The following TIMM44 variants were observed in gnomAD, a reference collection of about 807,000 sequenced individuals.
TIMM44 encodes translocase of inner mitochondrial membrane 44.
TIMM44 carries 37 observed loss-of-function variants against 63.8 expected under a neutral mutation model. That is an observed-to-expected ratio of 0.58 (90% CI 0.45 to 0.76). TIMM44 has a LOEUF of 0.76. Among genes scored for constraint, TIMM44 ranks in the 30% least tolerant of loss-of-function variants. TIMM44 has a pLI of 0.00. For synonymous variants in TIMM44, 239 were observed against 245.1 expected (o/e 0.98, Z 0.23); for missense variants, 573 against 603.8 (o/e 0.95, Z 0.54).
intron 3 of TIMM44, among the ~76,000 whole-genome samples, chr19:7,936,448 T>C (rs940304511): frequency 3.3e-5 from 5 of 152,076 alleles, no homozygotes; most frequent in African/African-American, 1.2e-4. Context: ...CAAGACTCCA[T>C]CTCAAAGGAG....
At position 7,933,618 on chromosome 19, in the gene TIMM44, C is replaced by G. The variant is rs537698036; in HGVS notation, c.684-48G>C. 6.6e-7 allele frequency: 1 copy of G among 1,521,496 alleles called. No individual in the cohort carries two copies. The highest frequency in any genetic ancestry group is 1.4e-5 in the African/African-American group (1 of 73,116). 94.2% of individuals were successfully genotyped at this position (1,521,496 alleles called of 1,614,324 possible). ...GGGTGAGCGGCGGCGCCAGGGCCAC[C>G]CTGTGCCCTCCTGCGGCTGCAGGCA... is the stretch of plus-strand genomic sequence containing the variant. On this transcript the variant is annotated intron_variant, in intron 6 of 12. Transcript: ENST00000270538. The surrounding 1 kb of genome is among the most constrained non-coding windows in gnomAD (Gnocchi z 4.3).
intron 10 of TIMM44, among the ~76,000 whole-genome samples, chr19:7,930,401 C>T (rs933343116): frequency 2.7e-5 from 4 of 150,006 alleles, no homozygotes; most frequent in Middle Eastern, 3.6e-3. Flanking sequence ...CTCCACCTCC[C>T]GGATTTAAGC....
chr19:7,932,426 G>T lies in TIMM44; in HGVS notation c.987+201C>A, dbSNP rs184379887. On this transcript the variant is annotated intron_variant, in intron 9 of 12. Coordinates refer to ENST00000270538, the MANE Select transcript of TIMM44 (RefSeq NM_006351.4). ...AAACAGACCTGGAGGTACCGGAGGT[G>T]CCGGTAAGGCCCAGGAAGGGCTTCG... 1,097 of 655,026 alleles carry T rather than the reference G, an allele frequency of 1.7e-3. 2 individuals carry two copies. Among genetic ancestry groups the T allele is most frequent in the Non-Finnish European group, 2.7e-3 (1,033 of 385,740 alleles). The allele number at this position is 655,026 out of a possible 1,614,324, so 40.6% of individuals were successfully genotyped here.
In TIMM44 at chr19:7,927,084, G is replaced by A. The variant is rs190210534; in HGVS notation, c.*103C>T. ...CCGTCCTGGCAGAGCTGGGGGCAGA[G>A]CCCGCAGTCTTGTTCCCAGAGGTCT... On this transcript the variant is annotated 3_prime_UTR_variant, in exon 13 of 13. Coordinates refer to ENST00000270538, the MANE Select transcript of TIMM44 (RefSeq NM_006351.4). 6.7e-5 allele frequency: 99 copies of A among 1,484,884 alleles called. No individual in the cohort carries two copies. In the African/African-American group the frequency reaches 1.2e-3, roughly 19 times the overall value. The allele number at this position is 1,484,884 out of a possible 1,614,324, so 92.0% of individuals were successfully genotyped here.
intron 10 of TIMM44, 50 bp from the exon 11 acceptor site, chr19:7,928,216 C>G (rs758032289): frequency 1.3e-6 from 2 of 1,500,992 alleles, no homozygotes; most frequent in South Asian, 2.3e-5. Flanking sequence ...GGGTGGGCAC[C>G]ACGCCACACA....
intron 10 of TIMM44, among the ~76,000 whole-genome samples, chr19:7,930,303 CTTTTTTTTT>C (rs71179159): frequency 9.1e-6 from 1 of 109,502 alleles, no homozygotes; most frequent in Non-Finnish European, 1.8e-5. Flanking sequence ...ATGCTTGGCT[CTTTTTTTTT>C]TTTTTTTTTT....
Position 7,934,263 on chromosome 19 carries a change from G to A in TIMM44, c.394-25C>T. The A allele has an allele frequency of 6.2e-7, 1 of 1,609,274 alleles. No homozygotes were observed. The highest frequency in any genetic ancestry group is 8.5e-7 in the Non-Finnish European group (1 of 1,179,936). On this transcript the variant is annotated intron_variant, in intron 4 of 12. Coordinates refer to ENST00000270538, the MANE Select transcript of TIMM44 (RefSeq NM_006351.4). This position sits in a 1 kb window ranked among gnomAD's most constrained non-coding sequence, Gnocchi z 5.3. Reference sequence around the variant, plus strand: ...TCTACTGAGACAGACACAGAGAGGGGGCGTTGGCACCGGCCCTGGCGGCCG... The same window carrying A: ...TCTACTGAGACAGACACAGAGAGGGAGCGTTGGCACCGGCCCTGGCGGCCG...
At chr19:7,939,548 G>T (rs545463720) in intron 2 of TIMM44, among the ~76,000 whole-genome samples, 1 of 151,542 alleles carries the variant, frequency 6.6e-6, no homozygotes, top group African/African-American at 2.4e-5. Flanking sequence ...AGGAGCCGGA[G>T]GTTGCAGTGA....
intron 1 of TIMM44, among the ~76,000 whole-genome samples, 156 bp from the exon 2 acceptor site, chr19:7,941,353 T>A (rs1208752853): frequency 6.6e-6 from 1 of 151,448 alleles, no homozygotes; most frequent in East Asian, 2.0e-4. Flanking sequence ...AGTGCTGCGA[T>A]CTCAGCTCCC....
In TIMM44 at chr19:7,943,016, G is replaced by A. The variant is rs553988929; in HGVS notation, c.45+591C>T. ...GATCGCGCCATTGCACTCCAGACTG[G>A]GCGACAAGAGCGAAACTCTGTCTCA... On this transcript the variant is annotated intron_variant, in intron 1 of 12. Transcript: ENST00000270538. The surrounding 1 kb of genome is among the most constrained non-coding windows in gnomAD (Gnocchi z 4.3). Among the ~76,000 whole-genome samples the A allele has an allele frequency of 4.1e-5, 6 of 147,378 alleles. No individual in the cohort carries two copies. The highest frequency in any genetic ancestry group is 8.9e-5 in the Non-Finnish European group (6 of 67,044).
At chr19:7,929,847 A>G (rs190470179) in intron 10 of TIMM44, among the ~76,000 whole-genome samples, 59 of 152,130 alleles carry the variant, frequency 3.9e-4, no homozygotes, top group Admixed American at 3.3e-3. Context: ...CTCCTTCCCT[A>G]AATTATTATT....
chr19:7,927,841 G>A (rs778921349), intron 11 of TIMM44, 74 bp from the exon 12 acceptor site: 41 of 1,468,572 alleles, frequency 2.8e-5, no homozygotes, highest in African/African-American at 6.9e-5. Flanking sequence ...AAACCCCTGC[G>A]CCTAGGCCCT....
chr19:7,933,935 G>C lies in TIMM44; in HGVS notation c.612C>G (p.Pro204=), dbSNP rs772115844. 2.5e-6 allele frequency: 4 copies of C among 1,614,026 alleles called. No homozygotes were observed. In the African/African-American group the frequency reaches 4.0e-5, roughly 16 times the overall value. The change falls in exon 6 of 13, where the codon CCC becomes CCG. Residue 204 remains proline (P), a synonymous_variant. Transcript: ENST00000270538. This position sits in a 1 kb window ranked among gnomAD's most constrained non-coding sequence, Gnocchi z 4.3. The part of the protein sequence containing the change: ...VLGQTGPYRR[P]QRLRKRTEFA... ...ACTCCGTTCTCTTCCGGAGTCGCTG[G>C]GGCCTCCGGTAGGGCCCGGTCTGTC...
intron 2 of TIMM44, among the ~76,000 whole-genome samples, chr19:7,940,283 C>T (rs907124691): frequency 4.0e-5 from 6 of 151,746 alleles, no homozygotes; most frequent in African/African-American, 1.5e-4. Context: ...GGCCAGGCCT[C>T]CTGTCAGCAG....
At chr19:7,931,025 G>A in intron 10 of TIMM44, 113 bp downstream of exon 10, 3 of 921,534 alleles carry the variant, frequency 3.3e-6, no homozygotes, top group South Asian at 1.5e-5. Context: ...CCCACCGGGA[G>A]CCCAGGTCCT....
chr19:7,938,266 G>A (rs2145179957), intron 2 of TIMM44, 69 bp from the exon 3 acceptor site: 2 of 1,225,406 alleles, frequency 1.6e-6, no homozygotes, highest in Non-Finnish European at 1.1e-6. Context: ...GCCCCACAGA[G>A]GGACTCAGGG....
At chr19:7,932,816 G>C in intron 8 of TIMM44, 24 bp downstream of exon 8, 1 of 1,614,136 alleles carries the variant, frequency 6.2e-7, no homozygotes. Flanking sequence ...ACCAGCCTGC[G>C]AGGTCCAGGG....
rs1325053662 is a variant in TIMM44, at chr19:7,943,657, A to T, written c.-6T>A. The T allele has an allele frequency of 1.3e-6, 2 of 1,563,184 alleles. No homozygotes were observed. The highest frequency in any genetic ancestry group is 3.6e-5 in the Admixed American group (2 of 54,990). On this transcript the variant is annotated 5_prime_UTR_variant, in exon 1 of 13. Transcript: ENST00000270538. The surrounding 1 kb of genome is among the most constrained non-coding windows in gnomAD (Gnocchi z 4.3). ...CGCAGGGCCGCCGCCGCCATGTTGGAGAATCGTGTGACCTTCTCGCGGCGC... is the reference window on the plus strand; with the variant it reads ...CGCAGGGCCGCCGCCGCCATGTTGGTGAATCGTGTGACCTTCTCGCGGCGC...
chr19:7,937,089 A>G (rs1984176451), intron 3 of TIMM44, among the ~76,000 whole-genome samples: 1 of 151,806 alleles, frequency 6.6e-6, no homozygotes, highest in Non-Finnish European at 1.5e-5. Flanking sequence ...GCAATGGAGT[A>G]AGACTCTGCT....
Sources: gnomAD v4.1 joint callset for allele counts (sites outside exome capture counted in the v4.1 genomes callset) on GRCh38, gnomAD v4.1.1 for gene constraint, Gnocchi (gnomAD v3.1) non-coding constraint, MANE v1.5 for transcripts, NCBI Gene and HGNC (gene_info 2026-07-23, HGNC 2026-07-21) for gene names.